The following SLIT2 variants were observed in gnomAD, a reference collection of about 807,000 sequenced individuals.
SLIT2 encodes slit homolog 2 protein.
In SLIT2, 41 loss-of-function variants were observed where a neutral mutation model predicts 185.7. That is an observed-to-expected ratio of 0.22 (90% CI 0.17 to 0.29). The LOEUF (loss-of-function observed/expected upper bound fraction) is 0.29, where lower values mean the gene tolerates loss of function less well. SLIT2 is among the 10% of genes least tolerant of loss of function. The probability of loss-of-function intolerance (pLI) is 1.00; values close to 1 mark genes in which losing one functional copy is unlikely to be tolerated. For synonymous variants in SLIT2, 693 were observed against 680.2 expected (o/e 1.02, Z -0.29); for missense variants, 1,571 against 1,909.0 (o/e 0.82, Z 3.30).
At chr4:20,352,985 AC>A (rs1475225940) in intron 4 of SLIT2, among the ~76,000 whole-genome samples, 2 of 152,164 alleles carry the variant, frequency 1.3e-5, no homozygotes, top group Non-Finnish European at 2.9e-5. Context: ...TAGATTACAC[AC>A]CTTTATAAAA....
In SLIT2 at chr4:20,326,690, T is replaced by C. The variant is rs73106758; in HGVS notation, c.395+57809T>C. 8.9e-3 allele frequency among the ~76,000 whole-genome samples: 1,347 copies of C among 151,804 alleles called. 17 individuals carry two copies. The highest frequency in any genetic ancestry group is 0.03 in the African/African-American group (1,247 of 41,424). ...AGTCTTCTTGGAATTATCTACTCAG[T>C]TTTTGTTCTATTAATTTGCCCTTAT... On this transcript the variant is annotated intron_variant, in intron 4 of 36. Transcript: ENST00000504154.
intron 6 of SLIT2, among the ~76,000 whole-genome samples, chr4:20,482,340 A>G (rs1432828839): frequency 1.3e-5 from 2 of 152,042 alleles, no homozygotes; most frequent in Non-Finnish European, 2.9e-5. Context: ...TCTTCACTGT[A>G]TTTATTCAAT....
At chr4:20,353,319 A>G (rs1444066988) in intron 4 of SLIT2, among the ~76,000 whole-genome samples, 1 of 152,208 alleles carries the variant, frequency 6.6e-6, no homozygotes, top group East Asian at 1.9e-4. Context: ...TATAGAATTT[A>G]TGCATAACTC....
chr4:20,282,460 T>C (rs1714865948), intron 4 of SLIT2, among the ~76,000 whole-genome samples: 1 of 152,210 alleles, frequency 6.6e-6, no homozygotes, highest in Non-Finnish European at 1.5e-5. Flanking sequence ...TTTAGGTTTT[T>C]AAAAGTATAG....
intron 6 of SLIT2, among the ~76,000 whole-genome samples, chr4:20,481,551 A>G (rs1291854124): frequency 6.6e-6 from 1 of 152,170 alleles, no homozygotes; most frequent in East Asian, 1.9e-4. Context: ...TCCTCCACCA[A>G]TTAAAATATT....
intron 22 of SLIT2, 137 bp downstream of exon 22, chr4:20,546,236 G>T: frequency 1.9e-6 from 1 of 514,228 alleles, no homozygotes; most frequent in East Asian, 3.3e-5. Flanking sequence ...GCTCATTGCG[G>T]TTCTGGACCC....
rs532596167 is a variant in SLIT2, at chr4:20,280,831, AT to A, written c.395+11951del. 9.1e-3 allele frequency among the ~76,000 whole-genome samples: 1,314 copies of A among 144,200 alleles called. 20 individuals carry two copies. The highest frequency in any genetic ancestry group is 0.034 in the African/African-American group (1,251 of 37,312). 94.6% of individuals were successfully genotyped at this position (144,200 alleles called of 152,430 possible). ...TTGTTTGAAGGCTTATATTAAAAAAATGTTTTTTTTTTTTTTTTGAGACGGA... is the reference window on the plus strand; with the variant it reads ...TTGTTTGAAGGCTTATATTAAAAAAAGTTTTTTTTTTTTTTTTGAGACGGA... On this transcript the variant is annotated intron_variant, in intron 4 of 36. Coordinates refer to ENST00000504154, the MANE Select transcript of SLIT2 (RefSeq NM_004787.4).
chr4:20,404,267 A>G (rs529835029), intron 4 of SLIT2, among the ~76,000 whole-genome samples: 39 of 152,062 alleles, frequency 2.6e-4, no homozygotes, highest in South Asian at 1.0e-3. Context: ...TATGATTTAA[A>G]CGTCCCCTAT....
intron 4 of SLIT2, among the ~76,000 whole-genome samples, chr4:20,337,491 C>T (rs900116096): frequency 2.6e-5 from 4 of 152,242 alleles, no homozygotes; most frequent in Non-Finnish European, 5.9e-5. Flanking sequence ...AATTACCTCC[C>T]ACAACATGTG....
chr4:20,550,180 G>A (rs1361547456), intron 24 of SLIT2, among the ~76,000 whole-genome samples: 1 of 151,982 alleles, frequency 6.6e-6, no homozygotes, highest in East Asian at 1.9e-4. Context: ...AAGTTATTCT[G>A]CGTTCCTGTC....
intron 9 of SLIT2, among the ~76,000 whole-genome samples, chr4:20,504,955 G>A (rs940721192): frequency 4.6e-5 from 7 of 151,492 alleles, no homozygotes; most frequent in Admixed American, 6.6e-5. Flanking sequence ...GGAAAAAAAA[G>A]TGTATATAGG....
At chr4:20,614,612 T>C (rs1729501109) in intron 34 of SLIT2, among the ~76,000 whole-genome samples, 1 of 151,262 alleles carries the variant, frequency 6.6e-6, no homozygotes, top group Admixed American at 6.6e-5. Flanking sequence ...ACCTGGTCTC[T>C]ACTAAAATTA....
rs549947041 is a variant in SLIT2, at chr4:20,553,325, T to C, written c.2562-480T>C. 5.3e-5 allele frequency among the ~76,000 whole-genome samples: 8 copies of C among 152,330 alleles called. No individual in the cohort carries two copies. In the East Asian group the frequency reaches 1.2e-3, roughly 22 times the overall value. ...AATACTTCTCCTACATCACTTCTAATGAAACTTCTTTGCATCTGTGAGTAT... is the reference window on the plus strand; with the variant it reads ...AATACTTCTCCTACATCACTTCTAACGAAACTTCTTTGCATCTGTGAGTAT... On this transcript the variant is annotated intron_variant, in intron 25 of 36. Coordinates refer to ENST00000504154, the MANE Select transcript of SLIT2 (RefSeq NM_004787.4).
chr4:20,301,792 A>G (rs1385978022), intron 4 of SLIT2, among the ~76,000 whole-genome samples: 1 of 152,214 alleles, frequency 6.6e-6, no homozygotes, highest in African/African-American at 2.4e-5. Context: ...TTGTCTTGAC[A>G]ACAGTACCAT....
chr4:20,588,780 A>T, intron 29 of SLIT2, among the ~76,000 whole-genome samples: 1 of 152,210 alleles, frequency 6.6e-6, no homozygotes, highest in South Asian at 2.1e-4. Context: ...CAGTCATGTG[A>T]TTCAACAAAG....
At chr4:20,618,049 A>G (rs538532923) in intron 36 of SLIT2, among the ~76,000 whole-genome samples, 4 of 152,340 alleles carry the variant, frequency 2.6e-5, no homozygotes, top group African/African-American at 9.6e-5. Context: ...CACAGAGAAG[A>G]TGGTCCTCTT....
intron 4 of SLIT2, among the ~76,000 whole-genome samples, chr4:20,270,626 AG>A (rs1217557627): frequency 3.9e-5 from 6 of 151,956 alleles, no homozygotes; most frequent in Admixed American, 3.9e-4. Context: ...TCTGGCTCAA[AG>A]GATTTGTCCT....
chr4:20,513,285 A>G (rs987247012), intron 11 of SLIT2, among the ~76,000 whole-genome samples: 1 of 152,216 alleles, frequency 6.6e-6, no homozygotes, highest in Non-Finnish European at 1.5e-5. Context: ...CTGTTTGCCA[A>G]AAGTGGAATA....
chr4:20,333,256 A>T (rs913505376), intron 4 of SLIT2, among the ~76,000 whole-genome samples: 4 of 152,164 alleles, frequency 2.6e-5, no homozygotes, highest in African/African-American at 9.6e-5. Flanking sequence ...ATGTTTTATT[A>T]TGTGAGCTGA....
Sources: gnomAD v4.1 joint callset for allele counts (sites outside exome capture counted in the v4.1 genomes callset) on GRCh38, gnomAD v4.1.1 for gene constraint, MANE v1.5 for transcripts, NCBI Gene and HGNC (gene_info 2026-07-23, HGNC 2026-07-21) for gene names.